TENM2: variants seen among roughly 807,000 people sequenced by gnomAD.
TENM2 encodes teneurin transmembrane protein 2.
In TENM2, 52 loss-of-function variants were observed where a neutral mutation model predicts 245.2. The observed-to-expected ratio is 0.21, with a 90% CI of 0.17 to 0.27. The LOEUF (loss-of-function observed/expected upper bound fraction) is 0.27, where lower values mean the gene tolerates loss of function less well. Among genes scored for constraint, TENM2 ranks in the 10% least tolerant of loss-of-function variants. The probability of loss-of-function intolerance (pLI) is 1.00; values close to 1 mark genes in which losing one functional copy is unlikely to be tolerated. For missense variants in TENM2, 3,046 were observed against 3,666.8 expected (o/e 0.83, Z 4.37); for synonymous variants, 1,363 against 1,438.9 (o/e 0.95, Z 1.19).
chr5:167,157,779 T>C, the TENM2 span, among the ~76,000 whole-genome samples: 1 of 152,368 alleles, frequency 6.6e-6, no homozygotes, highest in African/African-American at 2.4e-5. Context: ...TTAAAAGTTT[T>C]ATCAATAGGA....
intron 9 of TENM2, among the ~76,000 whole-genome samples, chr5:168,104,020 G>A (rs926931372): frequency 2.0e-5 from 3 of 151,894 alleles, no homozygotes; most frequent in African/African-American, 7.3e-5. Flanking sequence ...TTGTTTGTTT[G>A]TTTGTTTGTT....
rs1434972417 is a variant in TENM2 at position 167,478,998 on chromosome 5, G to GTGTA, written c.502+103528_502+103529insATGT. On this transcript the variant is annotated intron_variant, in intron 2 of 28. Coordinates refer to ENST00000518659, the Ensembl canonical transcript of TENM2. ...ATGACTACTTTATATATATGTGTGTGTGTGTGTATACAGGTACATGTGTTT... is the reference window on the plus strand; with the variant it reads ...ATGACTACTTTATATATATGTGTGTGTGTATGTGTGTATACAGGTACATGTGTTT... Among the ~76,000 whole-genome samples, 21 of 151,962 alleles carry GTGTA rather than the reference G, an allele frequency of 1.4e-4. No individual in the cohort carries two copies. The East Asian group carries it at 4.1e-3, about 29-fold the overall frequency.
chr5:168,134,511 C>A (rs1754871736), intron 12 of TENM2, among the ~76,000 whole-genome samples: 1 of 152,030 alleles, frequency 6.6e-6, no homozygotes, highest in Non-Finnish European at 1.5e-5. Context: ...CATAGTGAAA[C>A]CCCATCTCTA....
chr5:167,153,491 C>T, the TENM2 span, among the ~76,000 whole-genome samples: 1 of 151,836 alleles, frequency 6.6e-6, no homozygotes, highest in Non-Finnish European at 1.5e-5. Flanking sequence ...GTCTTGCTGT[C>T]TCAGGGGTGG....
intron 10 of TENM2, among the ~76,000 whole-genome samples, chr5:168,121,826 G>C (rs1562185378): frequency 6.6e-6 from 1 of 151,778 alleles, no homozygotes; most frequent in Non-Finnish European, 1.5e-5. Flanking sequence ...AGATATTTTT[G>C]TGTATATTTT....
At chr5:167,310,625 AAAAC>A (rs1417837076) in intron 1 of TENM2, among the ~76,000 whole-genome samples, 1 of 152,012 alleles carries the variant, frequency 6.6e-6, no homozygotes, top group Non-Finnish European at 1.5e-5. Context: ...AAATAAAACA[AAAAC>A]AAAAAACAAA....
chr5:167,519,019 A>T (rs1329648802), intron 2 of TENM2, among the ~76,000 whole-genome samples: 1 of 152,094 alleles, frequency 6.6e-6, no homozygotes, highest in East Asian at 1.9e-4. Flanking sequence ...AGAGAGCATG[A>T]AGAGAACAAA....
chr5:166,979,362 AT>A, the TENM2 span, among the ~76,000 whole-genome samples: 69 of 151,342 alleles, frequency 4.6e-4, no homozygotes, highest in African/African-American at 1.6e-3. Flanking sequence ...CTTTGGGATT[AT>A]TTTTTTTCCC....
At chr5:167,383,843 A>G (rs1291523180) in intron 2 of TENM2, among the ~76,000 whole-genome samples, 1 of 151,962 alleles carries the variant, frequency 6.6e-6, no homozygotes, top group Non-Finnish European at 1.5e-5. Context: ...TGGTATATGT[A>G]TATACACACA....
intron 2 of TENM2, among the ~76,000 whole-genome samples, chr5:167,825,357 T>C (rs1767881570): frequency 6.6e-6 from 1 of 152,168 alleles, no homozygotes; most frequent in Non-Finnish European, 1.5e-5. Flanking sequence ...CATTTAACTT[T>C]ATGCCATATG....
intron 2 of TENM2, among the ~76,000 whole-genome samples, chr5:167,742,926 C>G (rs1761287079): frequency 2.0e-5 from 3 of 151,992 alleles, no homozygotes; most frequent in Admixed American, 6.6e-5. Context: ...TATGATCATG[C>G]CACTGCATTC....
the TENM2 span, among the ~76,000 whole-genome samples, chr5:167,008,476 G>A: frequency 0.33 from 49,770 of 151,962 alleles, 8,920 homozygotes; most frequent in Non-Finnish European, 0.4. Flanking sequence ...AATCTGATGA[G>A]TCAAACCAGT....
intron 3 of TENM2, among the ~76,000 whole-genome samples, chr5:167,904,444 C>A (rs1463232768): frequency 1.3e-5 from 2 of 152,100 alleles, no homozygotes; most frequent in African/African-American, 2.4e-5. Flanking sequence ...ACTTAACTAG[C>A]AAAGTAATTT....
the TENM2 span, among the ~76,000 whole-genome samples, chr5:167,084,682 A>G: frequency 6.6e-6 from 1 of 152,058 alleles, no homozygotes; most frequent in South Asian, 2.1e-4. Context: ...AGCAGAATGC[A>G]ACAGTGAAAT....
At chr5:167,117,577 C>T in the TENM2 span, among the ~76,000 whole-genome samples, 1 of 151,974 alleles carries the variant, frequency 6.6e-6, no homozygotes, top group African/African-American at 2.4e-5. Flanking sequence ...AGCCAAACTC[C>T]CTGGTGCTTG....
intron 2 of TENM2, among the ~76,000 whole-genome samples, chr5:167,546,026 C>T (rs958054023): frequency 1.3e-5 from 2 of 152,168 alleles, no homozygotes; most frequent in African/African-American, 4.8e-5. Flanking sequence ...GCAGCTCATT[C>T]AATGTTCAGA....
the TENM2 span, among the ~76,000 whole-genome samples, chr5:167,002,666 C>CA: frequency 5.7e-4 from 82 of 142,944 alleles, no homozygotes; most frequent in Admixed American, 1.0e-3. Flanking sequence ...ACCAAAAAAA[C>CA]AAAAAAAAAA....
chr5:167,687,757 CCTCT>C (rs1757170419), intron 2 of TENM2, among the ~76,000 whole-genome samples: 1 of 152,138 alleles, frequency 6.6e-6, no homozygotes, highest in African/African-American at 2.4e-5. Flanking sequence ...GTTCTTTCTT[CCTCT>C]CTGTCTCTCT....
the TENM2 span, among the ~76,000 whole-genome samples, chr5:167,059,186 C>G: frequency 6.6e-6 from 1 of 152,130 alleles, no homozygotes; most frequent in Non-Finnish European, 1.5e-5. Context: ...TTAAAACATA[C>G]AAAATGCAAA....
Sources: allele counts gnomAD v4.1 joint callset (sites outside exome capture counted in the v4.1 genomes callset), GRCh38; gene constraint gnomAD v4.1.1; transcripts MANE v1.5; gene names NCBI Gene and HGNC (gene_info 2026-07-23, HGNC 2026-07-21).